Variants in IPO8 observed in about 807,000 individuals in gnomAD.
IPO8 encodes importin 8.
In IPO8, 65 loss-of-function variants were observed where a neutral mutation model predicts 141.2. The ratio of observed to expected loss-of-function variants is 0.46; its 90% CI spans 0.38 to 0.57. The LOEUF (loss-of-function observed/expected upper bound fraction) is 0.57, where lower values mean the gene tolerates loss of function less well. Ranked by LOEUF, IPO8 falls within the 20% of genes least tolerant of loss-of-function variation. IPO8 has a pLI of 0.00. For missense variants in IPO8, 980 were observed against 1,246.8 expected, an observed-to-expected ratio of 0.79 and a Z score of 3.22; for synonymous variants, 411 against 420.3, an observed-to-expected ratio of 0.98 and a Z score of 0.27.
At chr12:30,676,024 A>G (rs1340713962) in intron 6 of IPO8, among the ~76,000 whole-genome samples, 1 of 151,890 alleles carries the variant, frequency 6.6e-6, no homozygotes, top group Non-Finnish European at 1.5e-5. Flanking sequence ...GCCTCAAACT[A>G]CCAGTGATCC....
intron 23 of IPO8, 31 bp from the exon 24 acceptor site, chr12:30,632,042 G>T: frequency 1.4e-6 from 2 of 1,428,696 alleles, no homozygotes; most frequent in Non-Finnish European, 2.0e-6. Context: ...AAGACAGGAG[G>T]GTACAGCGAC....
intron 8 of IPO8, among the ~76,000 whole-genome samples, chr12:30,673,213 T>G (rs191369021): frequency 2.0e-5 from 3 of 152,094 alleles, no homozygotes; most frequent in African/African-American, 7.2e-5. Context: ...GAGCCGAGAT[T>G]GTGCCACTGC....
At position 30,632,029 on chromosome 12, in the gene IPO8, G is replaced by A; in HGVS notation, c.2900-18C>T. 2 of 1,534,436 alleles carry A rather than the reference G, an allele frequency of 1.3e-6. No homozygotes were observed. Among genetic ancestry groups the A allele is most frequent in the Non-Finnish European group, 1.8e-6 (2 of 1,112,124 alleles). ...CTGCACAGCTGTTGCATTTTGGGAG[G>A]AAAAGACAGGAGGGTACAGCGACTA... On this transcript the variant is annotated intron_variant, in intron 23 of 24. Coordinates refer to ENST00000256079, the MANE Select transcript of IPO8 (RefSeq NM_006390.4).
intron 19 of IPO8, among the ~76,000 whole-genome samples, chr12:30,651,035 T>C (rs985437596): frequency 2.0e-5 from 3 of 152,054 alleles, no homozygotes; most frequent in African/African-American, 7.2e-5. Context: ...ATGAAATATA[T>C]TTTAACTACT....
chr12:30,654,393 A>C (rs1235515690), intron 17 of IPO8, among the ~76,000 whole-genome samples: 1 of 151,992 alleles, frequency 6.6e-6, no homozygotes, highest in Non-Finnish European at 1.5e-5. Context: ...ACATCAAACT[A>C]AAAGGCTTTT....
chr12:30,654,701 G>C (rs992543410), intron 17 of IPO8, among the ~76,000 whole-genome samples: 1 of 151,898 alleles, frequency 6.6e-6, no homozygotes, highest in African/African-American at 2.4e-5. Context: ...AAAGACGAAA[G>C]TTAAATGCTG....
Position 30,661,237 on chromosome 12 carries a change from A to G in IPO8, c.1785T>C (p.Ser595=). The change falls in exon 16 of 25, where the codon AGT becomes AGC. Residue 595 remains serine (S), a synonymous_variant. Transcript: ENST00000256079. ...LAEIFGKVLQ[S]DEYEEVEDKT... is the part of the protein sequence containing the mutation. ...TGTCTTCAACTTCTTCATATTCATC[A>G]CTTTGAAGAACTTTGCCAAATATCT... The G allele has an allele frequency of 6.3e-7, 1 of 1,594,612 alleles. No individual in the cohort carries two copies. Among genetic ancestry groups the G allele is most frequent in the South Asian group, 1.1e-5 (1 of 87,810 alleles).
intron 20 of IPO8, among the ~76,000 whole-genome samples, chr12:30,641,493 C>CTTTTTTTTTTTTTTT (rs58656525): frequency 4.4e-5 from 6 of 135,050 alleles, no homozygotes; most frequent in Non-Finnish European, 7.9e-5. Flanking sequence ...TAAGCTATTT[C>CTTTTTTTTTTTTTTT]TTTTTTTTTT....
At position 30,634,233 on chromosome 12, in the gene IPO8, A is replaced by C; in HGVS notation, c.2749T>G (p.Ser917Ala). The change falls in exon 23 of 25, where the codon TCA becomes GCA. Residue 917 changes from serine to alanine, a missense_variant. Ser to Ala is a moderately conservative substitution (Grantham distance 99). Around this residue, in one of 3 missense-constraint regions of IPO8, gnomAD observed 924 missense variants for 1,153.9 expected, o/e 0.80. Coordinates refer to ENST00000256079, the MANE Select transcript of IPO8 (RefSeq NM_006390.4). ...TCATCTTCACCTCTTCCATTATTTG[A>C]CTGCATTGCTTGAGCAGTTACATTT... ...ETNVTAQAMQ[S>A]NNGRGEDEEE... The C allele has an allele frequency of 6.2e-7, 1 of 1,613,890 alleles. No individual in the cohort carries two copies. Among genetic ancestry groups the C allele is most frequent in the Non-Finnish European group, 8.5e-7 (1 of 1,179,872 alleles).
At chr12:30,646,438 A>G (rs1487216987) in intron 20 of IPO8, among the ~76,000 whole-genome samples, 3 of 152,234 alleles carry the variant, frequency 2.0e-5, no homozygotes, top group Non-Finnish European at 1.5e-5. Context: ...AAGACCAGGA[A>G]CAAGATGAGA....
At chr12:30,640,469 C>A (rs1163428799) in intron 20 of IPO8, among the ~76,000 whole-genome samples, 1 of 152,034 alleles carries the variant, frequency 6.6e-6, no homozygotes, top group Non-Finnish European at 1.5e-5. Flanking sequence ...TTTGGGTCAG[C>A]AGACTATTAG....
At chr12:30,656,203 A>G (rs1031046683) in intron 17 of IPO8, among the ~76,000 whole-genome samples, 1 of 151,898 alleles carries the variant, frequency 6.6e-6, no homozygotes, top group African/African-American at 2.4e-5. Flanking sequence ...CACTCAGCTA[A>G]TTTTTTTTAT....
At chr12:30,631,484 C>G (rs1238811889) in intron 24 of IPO8, 1 of 164,194 alleles carries the variant, frequency 6.1e-6, no homozygotes, top group Non-Finnish European at 1.3e-5. Context: ...AAATAAAGCC[C>G]AACAATGAGA....
At chr12:30,654,289 G>C (rs1486592290) in intron 17 of IPO8, among the ~76,000 whole-genome samples, 1 of 150,290 alleles carries the variant, frequency 6.7e-6, no homozygotes, top group Non-Finnish European at 1.5e-5. Context: ...CGGAAACTTG[G>C]AACACTGGTC....
chr12:30,664,108 C>G (rs1565502156), intron 13 of IPO8, among the ~76,000 whole-genome samples: 1 of 152,196 alleles, frequency 6.6e-6, no homozygotes, highest in East Asian at 1.9e-4. Context: ...TATAGATGAT[C>G]ACATTTTAAC....
intron 21 of IPO8, among the ~76,000 whole-genome samples, chr12:30,638,639 G>T (rs547079720): frequency 5.3e-5 from 8 of 152,280 alleles, no homozygotes; most frequent in Admixed American, 2.6e-4. Context: ...GGTGACCTGA[G>T]GTGGGCACAT....
rs1591827949 is a variant in IPO8, at chr12:30,651,124, T to C, written c.2172+1068A>G. ...CACAGGGGAAGCTGTGAATTACTAA[T>C]GGAATACACAGAACTGTTTTACTTG... On this transcript the variant is annotated intron_variant, in intron 19 of 24. Coordinates refer to ENST00000256079, the MANE Select transcript of IPO8 (RefSeq NM_006390.4). Among the ~76,000 whole-genome samples the C allele has an allele frequency of 2.6e-5, 4 of 152,124 alleles. No individual in the cohort carries two copies. In the South Asian group the frequency reaches 8.3e-4, roughly 31 times the overall value.
chr12:30,677,285 C>T, intron 5 of IPO8: 3 of 377,510 alleles, frequency 7.9e-6, no homozygotes, highest in Admixed American at 3.4e-5. Flanking sequence ...ATTCTTATCG[C>T]CTAGTGACAT....
chr12:30,693,490 C>A (rs1353066708), intron 1 of IPO8, among the ~76,000 whole-genome samples: 2 of 152,206 alleles, frequency 1.3e-5, no homozygotes, highest in Non-Finnish European at 1.5e-5. Context: ...TGCTCCCATT[C>A]CCTATGCAGA....
Sources: allele counts gnomAD v4.1 joint callset (sites outside exome capture counted in the v4.1 genomes callset), GRCh38; gene constraint gnomAD v4.1.1; regional missense constraint gnomAD v4.1.1; transcripts MANE v1.5; gene names NCBI Gene and HGNC (gene_info 2026-07-23, HGNC 2026-07-21).